The following SLC28A3 variants were observed in gnomAD, a reference collection of about 807,000 sequenced individuals.
SLC28A3 encodes the protein concentrative Na(+)-nucleoside cotransporter 3.
Under a neutral mutation model 84.2 loss-of-function variants are expected in SLC28A3, and 68 were observed. The ratio of observed to expected loss-of-function variants is 0.81; its 90% CI spans 0.66 to 0.99. SLC28A3 has a LOEUF of 0.99. SLC28A3 is among the 50% of genes least tolerant of loss of function. SLC28A3 has a pLI of 0.00. For synonymous variants in SLC28A3, 267 were observed against 303.6 expected (o/e 0.88, Z 1.25); for missense variants, 712 against 841.5 (o/e 0.85, Z 1.90).
chr9:84,280,170 CTGACT>C, intron 15 of SLC28A3, 97 bp from the exon 16 acceptor site: 1 of 1,070,612 alleles, frequency 9.3e-7, no homozygotes, highest in Non-Finnish European at 1.3e-6. Flanking sequence ...CTCAGGTCAG[CTGACT>C]TTTTTTTTTT....
intron 7 of SLC28A3, among the ~76,000 whole-genome samples, 200 bp downstream of exon 7, chr9:84,297,706 T>C (rs1825469603): frequency 6.6e-6 from 1 of 152,152 alleles, no homozygotes; most frequent in African/African-American, 2.4e-5. Flanking sequence ...ATGACATAGG[T>C]ACAGAACAGC....
chr9:84,342,088 C>T (rs1304175532), upstream of SLC28A3, among the ~76,000 whole-genome samples: 7 of 145,522 alleles, frequency 4.8e-5, no homozygotes, highest in African/African-American at 5.2e-5. Context: ...GAAAACGCAC[C>T]GCTGCCTCCC....
In SLC28A3 at chr9:84,286,116, A is replaced by T. The variant is rs1171413841; in HGVS notation, c.1281-5T>A. 1.2e-6 allele frequency: 2 copies of T among 1,612,840 alleles called. No individual in the cohort carries two copies. Among genetic ancestry groups the T allele is most frequent in the Middle Eastern group, 1.6e-4 (1 of 6,078 alleles). On this transcript the variant is annotated splice_region_variant and splice_polypyrimidine_tract_variant and intron_variant, in intron 12 of 17. Transcript: ENST00000376238. The stretch of plus-strand genomic sequence containing the variant: ...TCTAGAAGATTCCCTGAATCACTTT[A>T]TCAAGAAATAGCAATTCCAGAATTA...
intron 1 of SLC28A3, among the ~76,000 whole-genome samples, chr9:84,330,482 G>A (rs1423421816): frequency 6.6e-6 from 1 of 152,136 alleles, no homozygotes; most frequent in Non-Finnish European, 1.5e-5. Flanking sequence ...AACCATCAGT[G>A]GCAAGTGGTT....
In SLC28A3 at chr9:84,290,140, C is replaced by G. The variant is rs769345294; in HGVS notation, c.1149+14G>C. ...GAAGAGGTTGGTGTTTTCATAATTC[C>G]AAAACATTCTTACCCCAAAAGAAAT... On this transcript the variant is annotated intron_variant, in intron 11 of 17. Coordinates refer to ENST00000376238, the MANE Select transcript of SLC28A3 (RefSeq NM_001199633.2). 6.2e-7 allele frequency: 1 copy of G among 1,610,932 alleles called. No individual in the cohort carries two copies. The highest frequency in any genetic ancestry group is 1.7e-5 in the Admixed American group (1 of 59,368).
At position 84,288,101 on chromosome 9, in the gene SLC28A3, A is replaced by G. The variant is rs770152872; in HGVS notation, c.1227T>C (p.Pro409=). Residue 409 remains proline, a synonymous_variant, in exon 12 of 18, where the codon CCT becomes CCC. Coordinates refer to ENST00000376238, the MANE Select transcript of SLC28A3 (RefSeq NM_001199633.2). ...ASLAAAKLFW[P]ETEKPKITLK... ...GGGTTATTTTAGGTTTTTCTGTCTCAGGCCAAAAGAGTTTAGCAGCAGCCA... is the reference window on the plus strand; with the variant it reads ...GGGTTATTTTAGGTTTTTCTGTCTCGGGCCAAAAGAGTTTAGCAGCAGCCA... 1.8e-5 allele frequency: 29 copies of G among 1,614,032 alleles called. No homozygotes were observed. In the South Asian group the frequency reaches 2.9e-4, roughly 16 times the overall value.
At chr9:84,313,501 G>A in intron 1 of SLC28A3, 47 bp from the exon 2 acceptor site, 1 of 1,496,544 alleles carries the variant, frequency 6.7e-7, no homozygotes, top group African/African-American at 1.4e-5. Flanking sequence ...ACAGCCAAAA[G>A]ACAGATGTTC....
upstream of SLC28A3, among the ~76,000 whole-genome samples, chr9:84,344,622 C>T (rs562645959): frequency 1.3e-5 from 2 of 152,212 alleles, no homozygotes; most frequent in South Asian, 2.1e-4. Flanking sequence ...GAAAAGGAAA[C>T]ATTGTCATCC....
At position 84,302,265 on chromosome 9, in the gene SLC28A3, A is replaced by T; in HGVS notation, c.459T>A (p.His153Gln). 6.2e-7 allele frequency: 1 copy of T among 1,614,120 alleles called. No homozygotes were observed. The highest frequency in any genetic ancestry group is 8.5e-7 in the Non-Finnish European group (1 of 1,180,026). Residue 153 changes from histidine to glutamine, a missense_variant, in exon 5 of 18, where the codon CAT becomes CAA. Physicochemically the swap from His to Gln is conservative, Grantham distance 24 (BLOSUM62 0). Transcript: ENST00000376238. ...VWDHLMAKYEHRIDEMLSPGR... is the reference protein window; with the variant it reads ...VWDHLMAKYEQRIDEMLSPGR... ...CAGGAGACAGCATCTCATCAATTCG[A>T]TGTTCGTATTTGGCCATCAGGTGAT...
intron 4 of SLC28A3, among the ~76,000 whole-genome samples, 197 bp downstream of exon 4, chr9:84,305,057 G>A (rs575369301): frequency 2.0e-4 from 31 of 152,120 alleles, no homozygotes; most frequent in African/African-American, 3.9e-4. Flanking sequence ...CCTCATAAAC[G>A]GGGTAGGGAA....
rs1361591036 is a variant in SLC28A3, at chr9:84,279,968, G to A, written c.1828+7C>T. Reference sequence around the variant, plus strand: ...GGCACTGGGACACAAAGGACAGGGTGCGGTACCTGCGATGCAGGCTGTCAT... The same window carrying A: ...GGCACTGGGACACAAAGGACAGGGTACGGTACCTGCGATGCAGGCTGTCAT... On this transcript the variant is annotated splice_region_variant and intron_variant, in intron 16 of 17. Coordinates refer to ENST00000376238, the MANE Select transcript of SLC28A3 (RefSeq NM_001199633.2). 5 of 1,613,252 alleles carry A rather than the reference G, an allele frequency of 3.1e-6. No individual in the cohort carries two copies. Among genetic ancestry groups the A allele is most frequent in the Admixed American group, 1.7e-5 (1 of 59,984 alleles).
chr9:84,294,346 C>T, intron 8 of SLC28A3, 71 bp from the exon 9 acceptor site: 1 of 1,411,762 alleles, frequency 7.1e-7, no homozygotes, highest in East Asian at 2.3e-5. Context: ...ATCAGGCCTC[C>T]TCTCTGTCTC....
At chr9:84,353,126 T>C in the SLC28A3 span, among the ~76,000 whole-genome samples, 2,099 of 152,248 alleles carry the variant, frequency 0.014, 22 homozygotes, top group Non-Finnish European at 0.022. Flanking sequence ...ATTTAAAGAT[T>C]ATCAATGTCT....
intron 1 of SLC28A3, among the ~76,000 whole-genome samples, chr9:84,328,021 A>G (rs1199250115): frequency 3.9e-5 from 6 of 151,908 alleles, no homozygotes; most frequent in Non-Finnish European, 1.5e-5. Context: ...TCTGGTGGCA[A>G]TTGTTTAACA....
intron 1 of SLC28A3, among the ~76,000 whole-genome samples, chr9:84,337,441 T>TGTGTGTGTGTGTGC (rs1364543892): frequency 2.0e-5 from 3 of 151,016 alleles, no homozygotes; most frequent in African/African-American, 7.4e-5. Context: ...CCTGTGTGTG[T>TGTGTGTGTGTGTGC]GCGCGCGCGT....
At chr9:84,364,813 T>A in the SLC28A3 span, among the ~76,000 whole-genome samples, 4 of 152,170 alleles carry the variant, frequency 2.6e-5, no homozygotes, top group Admixed American at 6.5e-5. Context: ...AACATAATGA[T>A]CTCCAGTTTC....
At position 84,310,313 on chromosome 9, in the gene SLC28A3, ACCCAT is replaced by A. The variant is rs36201832; in HGVS notation, c.157-604_157-600del. On this transcript the variant is annotated intron_variant, in intron 2 of 17. Coordinates refer to ENST00000376238, the MANE Select transcript of SLC28A3 (RefSeq NM_001199633.2). Reference sequence around the variant, plus strand: ...ATTAATTGAGTGTAGGATATCTCTGACCCATCCCATTTTTTCATGGACAATCTTTC... The same window carrying A: ...ATTAATTGAGTGTAGGATATCTCTGACCCATTTTTTCATGGACAATCTTTC... 0.024 allele frequency: 18,391 copies of A among 762,160 alleles called. 1,273 individuals carry two copies. In the East Asian group the frequency reaches 0.35, roughly 14 times the overall value. The allele number at this position is 762,160 out of a possible 1,614,324, so 47.2% of individuals were successfully genotyped here. A position where few individuals can be genotyped will look rare whatever the true frequency, so the allele number is the denominator to read the frequency against.
At chr9:84,359,791 A>G in the SLC28A3 span, among the ~76,000 whole-genome samples, 2 of 152,064 alleles carry the variant, frequency 1.3e-5, no homozygotes, top group African/African-American at 4.8e-5. Context: ...CTTTGAGCCC[A>G]GGAGTTCGAG....
At chr9:84,346,914 C>A in the SLC28A3 span, among the ~76,000 whole-genome samples, 1 of 152,046 alleles carries the variant, frequency 6.6e-6, no homozygotes, top group African/African-American at 2.4e-5. Flanking sequence ...GTGGTTCATG[C>A]CTGTAATCCC....
Sources: allele counts gnomAD v4.1 joint callset (sites outside exome capture counted in the v4.1 genomes callset), GRCh38; gene constraint gnomAD v4.1.1; transcripts MANE v1.5; gene names NCBI Gene and HGNC (gene_info 2026-07-23, HGNC 2026-07-21).